Variants in ZNF608 observed in about 807,000 individuals in gnomAD.
ZNF608 encodes the protein zinc finger protein 608.
Under a neutral mutation model 109.0 loss-of-function variants are expected in ZNF608, and 12 were observed. The ratio of observed to expected loss-of-function variants is 0.11; its 90% CI spans 0.07 to 0.18. The LOEUF is 0.18. Among genes scored for constraint, ZNF608 ranks in the 10% least tolerant of loss-of-function variants. The pLI is 1.00. For missense variants in ZNF608, 1,707 were observed against 1,879.3 expected (o/e 0.91, Z 1.70); for synonymous variants, 732 against 717.4 (o/e 1.02, Z -0.33).
At chr5:124,688,947 G>C (rs1752502583) in intron 3 of ZNF608, among the ~76,000 whole-genome samples, 1 of 152,052 alleles carries the variant, frequency 6.6e-6, no homozygotes. Flanking sequence ...CAAGGATGCA[G>C]GATATAAGGT....
chr5:124,645,680 G>A (rs1201473662), intron 5 of ZNF608, among the ~76,000 whole-genome samples: 2 of 152,092 alleles, frequency 1.3e-5, no homozygotes, highest in African/African-American at 2.4e-5. Flanking sequence ...GTACATTTGT[G>A]GTTTCGTGGT....
intron 3 of ZNF608, among the ~76,000 whole-genome samples, chr5:124,690,901 G>T (rs1257182904): frequency 3.5e-5 from 5 of 144,790 alleles, no homozygotes; most frequent in Non-Finnish European, 6.0e-5. Context: ...TCCAAAACAG[G>T]GACTCCTTCA....
At chr5:124,676,142 C>A (rs766499237) in intron 3 of ZNF608, among the ~76,000 whole-genome samples, 1 of 152,162 alleles carries the variant, frequency 6.6e-6, no homozygotes, top group Admixed American at 6.5e-5. Flanking sequence ...GTGTTCTCAA[C>A]ATTAAATGAA....
chr5:124,649,931 G>C (rs1413759495), intron 3 of ZNF608, among the ~76,000 whole-genome samples: 1 of 152,244 alleles, frequency 6.6e-6, no homozygotes, highest in Non-Finnish European at 1.5e-5. Context: ...AAAGGAGTGA[G>C]ACTGTGTGTG....
chr5:124,644,702 G>A (rs1032750666), intron 5 of ZNF608, 41 bp from the exon 6 acceptor site: 9 of 1,498,492 alleles, frequency 6.0e-6, no homozygotes, highest in Non-Finnish European at 7.1e-6. Context: ...CAACAGATTT[G>A]TTTTAAAATT....
intron 2 of ZNF608, among the ~76,000 whole-genome samples, chr5:124,706,119 A>G (rs1294581119): frequency 6.6e-6 from 1 of 152,242 alleles, no homozygotes; most frequent in Non-Finnish European, 1.5e-5. Flanking sequence ...GTGGCCTGAG[A>G]GCAAAAAGTA....
chr5:124,696,085 G>A (rs1752838707), intron 3 of ZNF608, among the ~76,000 whole-genome samples: 1 of 151,950 alleles, frequency 6.6e-6, no homozygotes, highest in African/African-American at 2.4e-5. Context: ...TCAGGAGGCT[G>A]AGGCAGGAGA....
chr5:124,748,656 A>G (rs1749721065), upstream of ZNF608: 1 of 812,852 alleles, frequency 1.2e-6, no homozygotes, highest in Admixed American at 6.2e-5. Context: ...ATGGACCATC[A>G]AATGTCACAG....
chr5:124,670,349 A>C (rs1282317830), intron 3 of ZNF608, among the ~76,000 whole-genome samples: 2 of 148,668 alleles, frequency 1.3e-5, no homozygotes, highest in Non-Finnish European at 3.0e-5. Flanking sequence ...TTTTTTTTTT[A>C]ATGGAAAGGC....
At chr5:124,718,301 A>G (rs1399886107) in intron 2 of ZNF608, among the ~76,000 whole-genome samples, 1 of 152,248 alleles carries the variant, frequency 6.6e-6, no homozygotes, top group Non-Finnish European at 1.5e-5. Context: ...CATGCGTTAA[A>G]AAGTCTAATA....
intron 2 of ZNF608, among the ~76,000 whole-genome samples, chr5:124,741,172 G>A (rs1749378566): frequency 6.6e-6 from 1 of 152,102 alleles, no homozygotes; most frequent in African/African-American, 2.4e-5. Context: ...CACGTATTAA[G>A]GGAGTGGCGA....
At chr5:124,660,024 T>A (rs1751182191) in intron 3 of ZNF608, among the ~76,000 whole-genome samples, 1 of 152,196 alleles carries the variant, frequency 6.6e-6, no homozygotes, top group Non-Finnish European at 1.5e-5. Flanking sequence ...GTGTCCTCTG[T>A]AAATCATAAA....
chr5:124,745,177 G>T lies in ZNF608; in HGVS notation c.-183-5C>A. ...TCAGTCCAGGTCCACCTTTTCCTGTGAAGGGGGGGGGAAAAGTCGAATATT... is the reference window on the plus strand; with the variant it reads ...TCAGTCCAGGTCCACCTTTTCCTGTTAAGGGGGGGGGAAAAGTCGAATATT... On this transcript the variant is annotated splice_polypyrimidine_tract_variant and splice_region_variant and intron_variant, in intron 1 of 9. Transcript: ENST00000513986. The T allele has an allele frequency of 4.3e-6, 6 of 1,394,656 alleles. No individual in the cohort carries two copies. Among genetic ancestry groups the T allele is most frequent in the Non-Finnish European group, 4.6e-6 (5 of 1,084,990 alleles). The allele number at this position is 1,394,656 out of a possible 1,614,324, so 86.4% of individuals were successfully genotyped here.
At chr5:124,671,907 G>C (rs1222453170) in intron 3 of ZNF608, among the ~76,000 whole-genome samples, 1 of 152,052 alleles carries the variant, frequency 6.6e-6, no homozygotes, top group African/African-American at 2.4e-5. Context: ...CAAACTGCTG[G>C]GATTACAGGC....
chr5:124,644,548 T>C lies in ZNF608; in HGVS notation c.3819A>G (p.Lys1273=). The C allele has an allele frequency of 6.2e-7, 1 of 1,614,174 alleles. No homozygotes were observed. Among genetic ancestry groups the C allele is most frequent in the Non-Finnish European group, 8.5e-7 (1 of 1,180,020 alleles). ...GCACACCACTCTCTTTATTAGGAGT[T>C]TTCCTCGGACTATCCTCTTTTAATT... ...EKKLKEDSPR[K]TPNKESGVPS... Residue 1273 remains lysine (K), a synonymous_variant, in exon 6 of 10, where the codon AAA becomes AAG. Coordinates refer to ENST00000513986, the MANE Select transcript of ZNF608 (RefSeq NM_020747.3).
intron 3 of ZNF608, among the ~76,000 whole-genome samples, chr5:124,665,880 T>C (rs1279256158): frequency 1.3e-5 from 2 of 152,262 alleles, no homozygotes; most frequent in East Asian, 3.8e-4. Flanking sequence ...CCAGTGGTTA[T>C]TCTCCCAGAC....
chr5:124,655,749 C>T (rs370914493), intron 3 of ZNF608, among the ~76,000 whole-genome samples: 1 of 152,214 alleles, frequency 6.6e-6, no homozygotes, highest in South Asian at 2.1e-4. Flanking sequence ...CTCCCTCCCC[C>T]CATTATTATG....
intron 2 of ZNF608, among the ~76,000 whole-genome samples, chr5:124,705,488 T>G (rs1446912224): frequency 1.3e-5 from 2 of 152,194 alleles, no homozygotes; most frequent in East Asian, 3.9e-4. Context: ...ATGCTCAGCA[T>G]AGTGCTTAGG....
chr5:124,718,212 T>C (rs1753779537), intron 2 of ZNF608, among the ~76,000 whole-genome samples: 1 of 152,206 alleles, frequency 6.6e-6, no homozygotes. Context: ...TTGTACATCT[T>C]CCCACTGAAA....
Sources: allele counts gnomAD v4.1 joint callset (sites outside exome capture counted in the v4.1 genomes callset), GRCh38; gene constraint gnomAD v4.1.1; transcripts MANE v1.5; gene names NCBI Gene and HGNC (gene_info 2026-07-23, HGNC 2026-07-21).